FBXL22: variants seen among roughly 807,000 people sequenced by gnomAD.
FBXL22 encodes F-box and leucine-rich protein 22.
FBXL22 carries 13 observed loss-of-function variants against 11.7 expected under a neutral mutation model. The ratio of observed to expected loss-of-function variants is 1.11; its 90% CI spans 0.73 to 1.77. The LOEUF (loss-of-function observed/expected upper bound fraction) is 1.77, where lower values mean the gene tolerates loss of function less well. Ranked by LOEUF, FBXL22 falls within the 40% of genes most tolerant of loss-of-function variation. The pLI is 0.00. For synonymous variants in FBXL22, 160 were observed against 144.1 expected (o/e 1.11, Z -0.79); for missense variants, 406 against 320.4 (o/e 1.27, Z -2.04).
At chr15:63,605,275 T>G (rs1166611111), downstream of FBXL22, among the ~76,000 whole-genome samples, 1 of 152,136 alleles carries the variant, frequency 6.6e-6, no homozygotes, top group Non-Finnish European at 1.5e-5. Context: ...TTGAGTGATC[T>G]CCAAGCTTTG....
In FBXL22 at chr15:63,601,025, C is replaced by G; in HGVS notation, c.682C>G (p.Leu228Val). The G allele has an allele frequency of 8.2e-7, 1 of 1,214,070 alleles. No individual in the cohort carries two copies. Among genetic ancestry groups the G allele is most frequent in the African/African-American group, 1.6e-5 (1 of 63,718 alleles). 75.2% of individuals were successfully genotyped at this position (1,214,070 alleles called of 1,614,324 possible). A position where few individuals can be genotyped will look rare whatever the true frequency, so the allele number is the denominator to read the frequency against. Reference protein sequence around the residue: ...PRAPAAALGKLLQR With the variant: ...PRAPAAALGKVLQR ...CGCGCCCGCCGCGGCCCTCGGCAAG[C>G]TGCTGCAGCGCTAGACGCCGCCCCG... is the stretch of plus-strand genomic sequence containing the variant. Residue 228 changes from leucine to valine, a missense_variant, in exon 2 of 2, where the codon CTG (leucine) becomes GTG (valine). Leu to Val is a conservative substitution (Grantham distance 32, BLOSUM62 1). Transcript: ENST00000638704.
downstream of FBXL22, chr15:63,602,315 C>T (rs2067383743): frequency 6.6e-6 from 1 of 152,164 alleles, no homozygotes; most frequent in Non-Finnish European, 1.5e-5. Flanking sequence ...GGTGCGGTGG[C>T]TCAATGCCTG....
intron 1 of FBXL22, among the ~76,000 whole-genome samples, chr15:63,598,535 C>A (rs1196586848): frequency 6.6e-6 from 1 of 152,212 alleles, no homozygotes; most frequent in Non-Finnish European, 1.5e-5. Context: ...GCGGCCCAGG[C>A]AAGAACACAG....
At chr15:63,600,154 T>A in intron 1 of FBXL22, 2 of 985,814 alleles carry the variant, frequency 2.0e-6, no homozygotes, top group Non-Finnish European at 2.4e-6. Flanking sequence ...TCTAGTCTAC[T>A]AAGCTGAACC....
the FBXL22 span, among the ~76,000 whole-genome samples, chr15:63,607,463 T>C: frequency 6.6e-6 from 1 of 152,238 alleles, no homozygotes; most frequent in Admixed American, 6.5e-5. Context: ...TAAAGCCTCA[T>C]CTTTACCCAG....
At chr15:63,601,268 C>T (rs1228301681), downstream of FBXL22, 18 of 1,543,876 alleles carry the variant, frequency 1.2e-5, no homozygotes, top group Non-Finnish European at 1.5e-5. Flanking sequence ...TCAACACCAC[C>T]GCCTTTCCCC....
intron 1 of FBXL22, chr15:63,600,287 C>G: frequency 1.0e-6 from 1 of 1,003,246 alleles, no homozygotes; most frequent in Non-Finnish European, 1.2e-6. Flanking sequence ...TCAGGGGCCT[C>G]AGCTTGAAGC....
chr15:63,599,210 T>C, intron 1 of FBXL22: 1 of 1,535,896 alleles, frequency 6.5e-7, no homozygotes, highest in South Asian at 1.2e-5. Context: ...CTGATGAACG[T>C]CTACTGAATC....
chr15:63,597,807 G>T lies in FBXL22; in HGVS notation c.353+62G>T. ...CTAGCTCTGGCTTCCCTCTTGGGGG[G>T]CAGGGAAGAGCAAATTACGAGACCA... is the stretch of plus-strand genomic sequence containing the variant. On this transcript the variant is annotated intron_variant, in intron 1 of 1. Transcript: ENST00000638704. The surrounding 1 kb of genome is among the most constrained non-coding windows in gnomAD (Gnocchi z 4.3). 1 of 1,443,488 alleles carries T rather than the reference G, an allele frequency of 6.9e-7. No homozygotes were observed. Among genetic ancestry groups the T allele is most frequent in the South Asian group, 1.4e-5 (1 of 73,394 alleles). 89.4% of individuals were successfully genotyped at this position (1,443,488 alleles called of 1,614,324 possible).
downstream of FBXL22, among the ~76,000 whole-genome samples, chr15:63,602,952 A>C (rs2067392221): frequency 6.6e-6 from 1 of 152,170 alleles, no homozygotes; most frequent in African/African-American, 2.4e-5. Context: ...CATTCTCTTG[A>C]GTTTCAAGAT....
At chr15:63,599,348 C>CA in intron 1 of FBXL22, 8 of 1,442,896 alleles carry the variant, frequency 5.5e-6, no homozygotes, top group Non-Finnish European at 7.2e-6. Flanking sequence ...AAAGATCACC[C>CA]AACACCTTTG....
the FBXL22 span, among the ~76,000 whole-genome samples, chr15:63,607,678 G>A: frequency 6.6e-6 from 1 of 152,194 alleles, no homozygotes; most frequent in Admixed American, 6.5e-5. Context: ...TATCTTCCTT[G>A]TGGAAAATAA....
At chr15:63,601,507 C>T (rs181302627), downstream of FBXL22, 1,098 of 1,551,110 alleles carry the variant, frequency 7.1e-4, 16 homozygotes, top group East Asian at 0.024. Context: ...CCCGCCGGCT[C>T]CCGGAGTGTC....
the FBXL22 span, among the ~76,000 whole-genome samples, chr15:63,607,878 GA>G: frequency 6.6e-6 from 1 of 152,170 alleles, no homozygotes; most frequent in Non-Finnish European, 1.5e-5. Context: ...CTGCTCTCAA[GA>G]TGGCCCTTTC....
At chr15:63,608,210 C>G in the FBXL22 span, among the ~76,000 whole-genome samples, 36 of 152,284 alleles carry the variant, frequency 2.4e-4, no homozygotes, top group Middle Eastern at 3.4e-3. Flanking sequence ...CTCATTTTGT[C>G]TTTGTAGGTT....
rs1430236236 is a variant in FBXL22 at position 63,600,845 on chromosome 15, G to T, written c.502G>T (p.Ala168Ser). The change falls in exon 2 of 2, where the codon GCG becomes TCG. Residue 168 changes from alanine to serine, a missense_variant. Ala to Ser is a moderately conservative substitution (Grantham distance 99, BLOSUM62 1). Transcript: ENST00000638704. ...RVTNRTLAAV[A>S]ADGRALQTLH... ...CACCAACCGCACGTTGGCTGCCGTG[G>T]CGGCGGACGGGCGCGCGCTGCAGAC... 1.6e-6 allele frequency: 2 copies of T among 1,230,076 alleles called. No homozygotes were observed. The highest frequency in any genetic ancestry group is 2.0e-6 in the Non-Finnish European group (2 of 986,942). 76.2% of individuals were successfully genotyped at this position (1,230,076 alleles called of 1,614,324 possible). A position where few individuals can be genotyped will look rare whatever the true frequency, so the allele number is the denominator to read the frequency against.
At chr15:63,600,147 AGTCTACTAAGCT>A in intron 1 of FBXL22, 1 of 985,820 alleles carries the variant, frequency 1.0e-6, no homozygotes. Context: ...GAACAGCTCT[AGTCTACTAAGCT>A]GAACCCGGAC....
intron 1 of FBXL22, chr15:63,599,490 C>A (rs1277968994): frequency 3.3e-6 from 4 of 1,197,992 alleles, no homozygotes; most frequent in African/African-American, 1.6e-5. Context: ...ACCAGCCAGT[C>A]ACCTGAGCTG....
Position 63,601,045 on chromosome 15 carries a change from G to T in FBXL22, c.*6G>T, listed in dbSNP as rs114092296. The T allele has an allele frequency of 0.018, 21,765 of 1,225,616 alleles. 345 individuals carry two copies. Among genetic ancestry groups the T allele is most frequent in the African/African-American group, 0.075 (4,834 of 64,040 alleles). 75.9% of individuals were successfully genotyped at this position (1,225,616 alleles called of 1,614,324 possible). Reference sequence around the variant, plus strand: ...GCAAGCTGCTGCAGCGCTAGACGCCGCCCCGCCGCTGCCCCCGGGGAAGGA... The same window carrying T: ...GCAAGCTGCTGCAGCGCTAGACGCCTCCCCGCCGCTGCCCCCGGGGAAGGA... On this transcript the variant is annotated 3_prime_UTR_variant, in exon 2 of 2. Transcript: ENST00000638704.
Sources: gnomAD v4.1 joint callset for allele counts (sites outside exome capture counted in the v4.1 genomes callset) on GRCh38, gnomAD v4.1.1 for gene constraint, Gnocchi (gnomAD v3.1) non-coding constraint, MANE v1.5 for transcripts, NCBI Gene and HGNC (gene_info 2026-07-23, HGNC 2026-07-21) for gene names.